TBX5: variants seen among roughly 807,000 people sequenced by gnomAD.
TBX5 encodes the protein T-box transcription factor 5.
Under a neutral mutation model 51.1 loss-of-function variants are expected in TBX5, and 8 were observed. The ratio of observed to expected loss-of-function variants is 0.16; its 90% CI spans 0.09 to 0.28. The LOEUF (loss-of-function observed/expected upper bound fraction) is 0.28, where lower values mean the gene tolerates loss of function less well. Ranked by LOEUF, TBX5 falls within the 10% of genes least tolerant of loss-of-function variation. TBX5 has a pLI of 1.00. For synonymous variants in TBX5, 302 were observed against 266.4 expected (o/e 1.13, Z -1.30); for missense variants, 589 against 671.7 (o/e 0.88, Z 1.36).
chr12:114,359,656 A>G (rs1318823324), intron 8 of TBX5, among the ~76,000 whole-genome samples: 1 of 152,186 alleles, frequency 6.6e-6, no homozygotes, highest in East Asian at 1.9e-4. Context: ...GGATTTTTCT[A>G]GATATTTTTG....
At chr12:114,376,847 G>A (rs1870217940) in intron 7 of TBX5, among the ~76,000 whole-genome samples, 1 of 151,548 alleles carries the variant, frequency 6.6e-6, no homozygotes, top group East Asian at 1.9e-4. Flanking sequence ...ACAGATGGGT[G>A]AGTGAGTTTC....
intron 8 of TBX5, among the ~76,000 whole-genome samples, chr12:114,364,255 C>T (rs2136370871): frequency 6.6e-6 from 1 of 152,342 alleles, no homozygotes. Flanking sequence ...GGGCTAGGCA[C>T]TGGGCACTGG....
rs199794216 is a variant in TBX5 at position 114,392,340 on chromosome 12, A to G, written c.663+2401T>C. On this transcript the variant is annotated intron_variant, in intron 6 of 8. Transcript: ENST00000405440. ...CAAATGGCTGCAGTGACAGTTTCACAGGTATACATATATATACACATGAAG... is the reference window on the plus strand; with the variant it reads ...CAAATGGCTGCAGTGACAGTTTCACGGGTATACATATATATACACATGAAG... 2.6e-5 allele frequency among the ~76,000 whole-genome samples: 4 copies of G among 152,340 alleles called. No homozygotes were observed. The East Asian group carries it at 7.7e-4, about 29-fold the overall frequency.
intron 7 of TBX5, among the ~76,000 whole-genome samples, chr12:114,370,841 G>C (rs1007562345): frequency 9.9e-5 from 15 of 151,732 alleles, no homozygotes; most frequent in Admixed American, 4.6e-4. Context: ...ACGTGGATTA[G>C]TTCTTTAGTG....
intron 7 of TBX5, among the ~76,000 whole-genome samples, chr12:114,377,451 C>A (rs1318118077): frequency 6.6e-6 from 1 of 152,092 alleles, no homozygotes; most frequent in East Asian, 1.9e-4. Context: ...AATGCAGTGG[C>A]ATAATCACAG....
chr12:114,380,691 A>G (rs1565933294), intron 7 of TBX5, among the ~76,000 whole-genome samples: 3 of 152,166 alleles, frequency 2.0e-5, no homozygotes. Context: ...TTAGCTGGGC[A>G]TGGTGGTATG....
intron 4 of TBX5, 61 bp from the exon 5 acceptor site, chr12:114,398,781 C>G: frequency 6.4e-7 from 1 of 1,556,456 alleles, no homozygotes; most frequent in Admixed American, 1.9e-5. Context: ...CGCACTGCAC[C>G]GAAGCGTGCT....
chr12:114,381,903 G>T (rs1870523848), intron 7 of TBX5, among the ~76,000 whole-genome samples: 1 of 152,132 alleles, frequency 6.6e-6, no homozygotes, highest in African/African-American at 2.4e-5. Context: ...GACACACATG[G>T]CTCTTAGGCT....
rs770717773 is a variant in TBX5, at chr12:114,399,598, C to T, written c.277G>A (p.Gly93Ser). 5.0e-6 allele frequency: 8 copies of T among 1,614,086 alleles called. No individual in the cohort carries two copies. In the East Asian group the frequency reaches 1.3e-4, roughly 27 times the overall value. The change falls in exon 4 of 9, where the codon GGC becomes AGC. Residue 93 changes from glycine to serine, a missense_variant. Gly to Ser is a moderately conservative substitution (Grantham distance 56). Transcript: ENST00000405440. ...MFPSYKVKVTGLNPKTKYILL... is the reference protein window; with the variant it reads ...MFPSYKVKVTSLNPKTKYILL... ...ATGTACTTCGTTTTGGGATTAAGGC[C>T]CGTCACCTTCACTTTGTAACTGGGA... is the stretch of plus-strand genomic sequence containing the variant.
At chr12:114,362,505 G>A (rs1172104582) in intron 8 of TBX5, among the ~76,000 whole-genome samples, 2 of 151,970 alleles carry the variant, frequency 1.3e-5, no homozygotes, top group Non-Finnish European at 2.9e-5. Context: ...TCCTCTATGT[G>A]TGGATACCCT....
intron 1 of TBX5, 99 bp from the exon 2 acceptor site, chr12:114,404,035 T>C: frequency 2.2e-6 from 3 of 1,352,834 alleles, no homozygotes; most frequent in Non-Finnish European, 3.0e-6. Context: ...GGGAGCAGTT[T>C]GGCCCCCAGT....
chr12:114,407,760 C>A, upstream of TBX5: 3 of 985,416 alleles, frequency 3.0e-6, no homozygotes, highest in Non-Finnish European at 3.6e-6. Context: ...CCAAGGAGGG[C>A]CAAGTGCAAA....
chr12:114,393,740 C>G (rs545832690), intron 6 of TBX5, among the ~76,000 whole-genome samples: 1 of 152,250 alleles, frequency 6.6e-6, no homozygotes, highest in East Asian at 1.9e-4. Context: ...CGACAGCATA[C>G]CGCCCCTACA....
chr12:114,379,541 T>C (rs1337761286), intron 7 of TBX5, among the ~76,000 whole-genome samples: 1 of 152,190 alleles, frequency 6.6e-6, no homozygotes, highest in African/African-American at 2.4e-5. Context: ...AGCTTAAGCT[T>C]GGGAGTCATT....
At chr12:114,383,165 A>C (rs1185403244) in intron 7 of TBX5, among the ~76,000 whole-genome samples, 2 of 151,972 alleles carry the variant, frequency 1.3e-5, no homozygotes, top group Admixed American at 6.6e-5. Context: ...CAACTGGTAA[A>C]GTTTGAGGGG....
chr12:114,372,575 G>T (rs779989607), intron 7 of TBX5, among the ~76,000 whole-genome samples: 3 of 151,778 alleles, frequency 2.0e-5, no homozygotes, highest in Non-Finnish European at 1.5e-5. Flanking sequence ...CAAAGCACTG[G>T]GATAATAGAC....
At chr12:114,382,856 C>T (rs1163225832) in intron 7 of TBX5, among the ~76,000 whole-genome samples, 1 of 151,326 alleles carries the variant, frequency 6.6e-6, no homozygotes, top group Non-Finnish European at 1.5e-5. Flanking sequence ...GCAGTGCATG[C>T]CTGCAGTCCC....
intron 5 of TBX5, among the ~76,000 whole-genome samples, chr12:114,395,212 T>A (rs1217117355): frequency 6.6e-6 from 1 of 152,160 alleles, no homozygotes; most frequent in Non-Finnish European, 1.5e-5. Context: ...CAACGGGAGC[T>A]GAGCAAGTCT....
chr12:114,365,110 CG>C (rs1565927098), intron 8 of TBX5, among the ~76,000 whole-genome samples: 1 of 150,546 alleles, frequency 6.6e-6, no homozygotes, highest in African/African-American at 2.5e-5. Context: ...AAGAAAACTG[CG>C]GAATGCCTCA....
Sources: allele counts gnomAD v4.1 joint callset (sites outside exome capture counted in the v4.1 genomes callset), GRCh38; gene constraint gnomAD v4.1.1; transcripts MANE v1.5; gene names NCBI Gene and HGNC (gene_info 2026-07-23, HGNC 2026-07-21).